PDK3: variants seen among roughly 807,000 people sequenced by gnomAD.
The protein encoded by PDK3 is pyruvate dehydrogenase kinase 3.
Under a neutral mutation model 32.0 loss-of-function variants are expected in PDK3, and 12 were observed. The observed-to-expected ratio is 0.37, with a 90% CI of 0.24 to 0.61. PDK3 has a LOEUF of 0.61. PDK3 is among the 20% of genes least tolerant of loss of function. PDK3 has a pLI of 0.65. For missense variants in PDK3, 188 were observed against 316.9 expected (o/e 0.59, Z 3.09); for synonymous variants, 122 against 116.3 (o/e 1.05, Z -0.31).
chrX:24,473,855 T>A (rs1322909123), intron 1 of PDK3, among the ~76,000 whole-genome samples: 4 of 112,020 alleles, frequency 3.6e-5, no homozygotes, highest in Non-Finnish European at 5.6e-5. Context: ...TTATGGTGGC[T>A]CCTTGTTATA....
At chrX:24,494,557 C>G (rs1264080277) in intron 1 of PDK3, among the ~76,000 whole-genome samples, 185 bp from the exon 2 acceptor site, 1 of 111,965 alleles carries the variant, frequency 8.9e-6, no homozygotes, top group Non-Finnish European at 1.9e-5. Flanking sequence ...AATGAATGTT[C>G]TTTTTCTCTG....
intron 6 of PDK3, among the ~76,000 whole-genome samples, chrX:24,521,915 T>C: frequency 9.7e-6 from 1 of 102,949 alleles, no homozygotes. Flanking sequence ...ATTATTTTTA[T>C]GTATAAGTTC....
chrX:24,528,326 AT>A (rs1371710550), intron 9 of PDK3, 140 bp downstream of exon 9: 4 of 414,521 alleles, frequency 9.6e-6, no homozygotes, highest in Non-Finnish European at 4.2e-6. Flanking sequence ...AGGAGGGAGA[AT>A]TTTTTGCCTT....
intron 3 of PDK3, chrX:24,499,129 C>G (rs73484279): frequency 3.9e-4 from 97 of 246,642 alleles, no homozygotes; most frequent in African/African-American, 2.7e-3. Context: ...TGATCTAATA[C>G]TTAATACCTT....
At chrX:24,537,030 G>A (rs990415896), downstream of PDK3, among the ~76,000 whole-genome samples, 5 of 110,355 alleles carry the variant, frequency 4.5e-5, no homozygotes, top group Non-Finnish European at 9.5e-5. Context: ...TCTTGCCCAA[G>A]ATGATATCCT....
chrX:24,502,445 T>C (rs943274204), intron 3 of PDK3, among the ~76,000 whole-genome samples: 6 of 112,349 alleles, frequency 5.3e-5, no homozygotes, highest in Non-Finnish European at 9.4e-5. Context: ...ACTTGTCTTA[T>C]ACCATTCTTA....
chrX:24,470,153 G>GTTTCAAAAAGATAAATTTTTGT, intron 1 of PDK3, among the ~76,000 whole-genome samples: 1 of 111,742 alleles, frequency 8.9e-6, no homozygotes, highest in South Asian at 3.7e-4. Context: ...AGTCATGCTT[G>GTTTCAAAAAGATAAATTTTTGT]TTTCAAAAAG....
At chrX:24,510,271 G>T (rs1360630358) in intron 5 of PDK3, among the ~76,000 whole-genome samples, 1 of 112,396 alleles carries the variant, frequency 8.9e-6, no homozygotes, top group Non-Finnish European at 1.9e-5. Context: ...TAAATAAATT[G>T]TATGTTCAAA....
chrX:24,510,471 T>TA (rs1362655488), intron 5 of PDK3, among the ~76,000 whole-genome samples: 2 of 112,545 alleles, frequency 1.8e-5, no homozygotes, highest in Non-Finnish European at 3.7e-5. Flanking sequence ...GAGAAGAGAA[T>TA]AAAAATTACC....
intron 5 of PDK3, among the ~76,000 whole-genome samples, chrX:24,507,189 G>T (rs1433253803): frequency 9.0e-6 from 1 of 110,870 alleles, no homozygotes; most frequent in East Asian, 2.8e-4. Flanking sequence ...TTTAGCCCTA[G>T]ACAACCACTA....
intron 10 of PDK3, among the ~76,000 whole-genome samples, chrX:24,532,245 G>A (rs1198235250): frequency 3.6e-5 from 4 of 110,089 alleles, no homozygotes; most frequent in Admixed American, 1.9e-4. Context: ...CAGCCTGGGC[G>A]ACAGAATGAG....
intron 1 of PDK3, among the ~76,000 whole-genome samples, chrX:24,475,466 G>A (rs1375288506): frequency 9.0e-6 from 1 of 110,625 alleles, no homozygotes; most frequent in African/African-American, 3.3e-5. Flanking sequence ...AGACCAGCTC[G>A]GGCAACACAG....
At chrX:24,470,412 C>T (rs1920978176) in intron 1 of PDK3, among the ~76,000 whole-genome samples, 1 of 111,050 alleles carries the variant, frequency 9.0e-6, no homozygotes, top group Non-Finnish European at 1.9e-5. Flanking sequence ...CTTGGCTAGG[C>T]GCGGTGGCTC....
At chrX:24,543,351 A>G (rs1922930960) in exon 12 of PDK3, among the ~76,000 whole-genome samples, 1 of 111,008 alleles carries the variant, frequency 9.0e-6, no homozygotes. Context: ...CTTATCCTCC[A>G]TTTCACTGAC....
intron 5 of PDK3, among the ~76,000 whole-genome samples, chrX:24,510,480 C>T (rs1922090001): frequency 1.8e-5 from 2 of 112,344 alleles, no homozygotes; most frequent in African/African-American, 3.2e-5. Context: ...ATAAAAATTA[C>T]CTGTTTTCAT....
At chrX:24,474,520 T>C (rs760495847) in intron 1 of PDK3, among the ~76,000 whole-genome samples, 5 of 109,713 alleles carry the variant, frequency 4.6e-5, no homozygotes, top group Admixed American at 3.9e-4. Flanking sequence ...TTCAAGCAGT[T>C]CTCGTGCCTC....
chrX:24,535,589 C>G (rs1316756495), downstream of PDK3, among the ~76,000 whole-genome samples: 1 of 110,520 alleles, frequency 9.0e-6, no homozygotes, highest in African/African-American at 3.3e-5. Flanking sequence ...CTCTGTGTTC[C>G]CAAAACCCAG....
rs10682263 is a variant in PDK3 at position 24,506,801 on chromosome X, C to CTTTTTTTTTTTTTTTTTTTTT, written c.595+1510_595+1530dup. ...TGTAGAACATTTTGTTTTTTTCTTTCTTTTTTTTTTTTTTTTTTTTTTTTT... is the reference window on the plus strand; with the variant it reads ...TGTAGAACATTTTGTTTTTTTCTTTCTTTTTTTTTTTTTTTTTTTTTTTTTTTTTTTTTTTTTTTTTTTTTT... On this transcript the variant is annotated intron_variant, in intron 5 of 10. Transcript: ENST00000379162. Among the ~76,000 whole-genome samples, 29 of 49,496 alleles carry CTTTTTTTTTTTTTTTTTTTTT rather than the reference C, an allele frequency of 5.9e-4. 2 individuals are homozygous for CTTTTTTTTTTTTTTTTTTTTT. The highest frequency in any genetic ancestry group is 7.8e-4 in the African/African-American group (9 of 11,528). 43.0% of individuals were successfully genotyped at this position (49,496 alleles called of 115,157 possible). A position where few individuals can be genotyped will look rare whatever the true frequency, so the allele number is the denominator to read the frequency against.
chrX:24,494,919 A>C, intron 2 of PDK3, 36 bp downstream of exon 2: 1 of 1,157,472 alleles, frequency 8.6e-7, no homozygotes, highest in East Asian at 3.0e-5. Context: ...GGATCTTCCC[A>C]CAATGCTGTG....
Sources: gnomAD v4.1 joint callset for allele counts (sites outside exome capture counted in the v4.1 genomes callset) on GRCh38, gnomAD v4.1.1 for gene constraint, MANE v1.5 for transcripts, NCBI Gene and HGNC (gene_info 2026-07-23, HGNC 2026-07-21) for gene names.